The following MAP2 variants were observed in gnomAD, a reference collection of about 807,000 sequenced individuals.
MAP2 encodes microtubule associated protein 2, also known as microtubule-associated protein 2.
A neutral mutation model predicts 137.6 loss-of-function variants in MAP2; 14 were observed. The ratio of observed to expected loss-of-function variants is 0.10; its 90% CI spans 0.07 to 0.16. The LOEUF is 0.16. MAP2 is among the 10% of genes least tolerant of loss of function. The probability of loss-of-function intolerance (pLI) is 1.00; values close to 1 mark genes in which losing one functional copy is unlikely to be tolerated. For synonymous variants in MAP2, 786 were observed against 782.3 expected, an observed-to-expected ratio of 1.00 and a Z score of -0.08; for missense variants, 2,088 against 2,191.5, an observed-to-expected ratio of 0.95 and a Z score of 0.94.
intron 2 of MAP2, among the ~76,000 whole-genome samples, chr2:209,562,398 A>G (rs1375831936): frequency 1.3e-5 from 2 of 151,892 alleles, no homozygotes; most frequent in Admixed American, 6.6e-5. Flanking sequence ...TCCAGCTTGA[A>G]AAAAAAAGCT....
chr2:209,542,749 C>T (rs1408191295), intron 2 of MAP2, among the ~76,000 whole-genome samples: 1 of 152,216 alleles, frequency 6.6e-6, no homozygotes, highest in Non-Finnish European at 1.5e-5. Flanking sequence ...CTTTCTTCTG[C>T]AGCTTCTTTA....
At chr2:209,590,857 C>A (rs989874265) in intron 3 of MAP2, among the ~76,000 whole-genome samples, 5 of 152,134 alleles carry the variant, frequency 3.3e-5, no homozygotes, top group Non-Finnish European at 5.9e-5. Flanking sequence ...TTACCCTTAG[C>A]ACACAGTCTT....
intron 5 of MAP2, among the ~76,000 whole-genome samples, chr2:209,659,238 CTT>C (rs1185431598): frequency 3.3e-5 from 5 of 152,052 alleles, no homozygotes; most frequent in Non-Finnish European, 7.4e-5. Flanking sequence ...TTTCAAGACT[CTT>C]TTAGATGAGT....
intron 1 of MAP2, among the ~76,000 whole-genome samples, chr2:209,498,039 T>C (rs182258118): frequency 4.3e-4 from 66 of 152,314 alleles, no homozygotes; most frequent in African/African-American, 1.4e-3. Flanking sequence ...CAAAGCCTCA[T>C]TTGAAACAAG....
intron 1 of MAP2, among the ~76,000 whole-genome samples, chr2:209,503,563 C>G (rs771847829): frequency 5.9e-5 from 9 of 151,898 alleles, no homozygotes; most frequent in Non-Finnish European, 1.2e-4. Flanking sequence ...AGTTTTCATT[C>G]CATTTTGGGT....
At chr2:209,664,401 T>C (rs191168074) in intron 5 of MAP2, among the ~76,000 whole-genome samples, 1 of 151,526 alleles carries the variant, frequency 6.6e-6, no homozygotes, top group East Asian at 2.0e-4. Context: ...AATACAAAAA[T>C]TAGCTGGGCA....
chr2:209,553,445 T>A (rs1009511485), intron 2 of MAP2, among the ~76,000 whole-genome samples: 57 of 152,280 alleles, frequency 3.7e-4, no homozygotes, highest in African/African-American at 1.3e-3. Context: ...TATGGAAATT[T>A]AAAAATTCCT....
chr2:209,556,875 GCAAAA>G (rs1165694681), intron 2 of MAP2, among the ~76,000 whole-genome samples: 1 of 151,730 alleles, frequency 6.6e-6, no homozygotes, highest in African/African-American at 2.4e-5. Context: ...ATTAAGCAAT[GCAAAA>G]CAAAACAAAA....
intron 2 of MAP2, among the ~76,000 whole-genome samples, chr2:209,564,556 TAAAAAAAAAAAA>T (rs757367849): frequency 1.8e-5 from 1 of 55,994 alleles, no homozygotes; most frequent in Non-Finnish European, 3.7e-5. Context: ...CTCTGTGGAG[TAAAAAAAAAAAA>T]AAAAAAAAAA....
rs529323624 is a variant in MAP2 at position 209,678,811 on chromosome 2, C to T, written c.376+126C>T. 1.0e-5 allele frequency: 5 copies of T among 481,896 alleles called. No individual in the cohort carries two copies. The South Asian group carries it at 1.4e-4, about 13-fold the overall frequency. 29.9% of individuals were successfully genotyped at this position (481,896 alleles called of 1,614,324 possible). A position where few individuals can be genotyped will look rare whatever the true frequency, so the allele number is the denominator to read the frequency against. On this transcript the variant is annotated intron_variant, in intron 6 of 15. Coordinates refer to ENST00000682079, the MANE Select transcript of MAP2 (RefSeq NM_001375505.1). The stretch of plus-strand genomic sequence containing the variant: ...CCTTACATGTAACATTCATCAGACA[C>T]CTTGACTGGGTATGCACTAGGACCT...
intron 1 of MAP2, among the ~76,000 whole-genome samples, chr2:209,452,358 C>G (rs982146514): frequency 6.6e-6 from 1 of 152,170 alleles, no homozygotes; most frequent in African/African-American, 2.4e-5. Context: ...GCAGGTCCTT[C>G]TCTCTAGAAA....
At chr2:209,477,272 C>T (rs150307645) in intron 1 of MAP2, among the ~76,000 whole-genome samples, 2 of 151,934 alleles carry the variant, frequency 1.3e-5, no homozygotes, top group African/African-American at 2.4e-5. Flanking sequence ...TATGCCATAG[C>T]CTGGGCCACT....
chr2:209,594,476 T>C lies in MAP2; in HGVS notation c.-107+14376T>C, dbSNP rs1256672556. 2.6e-5 allele frequency among the ~76,000 whole-genome samples: 4 copies of C among 152,256 alleles called. No homozygotes were observed. In the East Asian group the frequency reaches 7.7e-4, roughly 29 times the overall value. ...ACGCTAAGCTTGGGGTTTCCTCAGG[T>C]TTCTTCAGGGTCCTACTATTAACAA... is the stretch of plus-strand genomic sequence containing the variant. On this transcript the variant is annotated intron_variant, in intron 3 of 15. Transcript: ENST00000682079.
At chr2:209,522,766 A>C (rs2063465388) in intron 2 of MAP2, among the ~76,000 whole-genome samples, 1 of 152,254 alleles carries the variant, frequency 6.6e-6, no homozygotes, top group East Asian at 1.9e-4. Flanking sequence ...ATTCAGGGAA[A>C]GTATCAGTTG....
At chr2:209,663,212 C>T (rs1311703205) in intron 5 of MAP2, among the ~76,000 whole-genome samples, 1 of 152,108 alleles carries the variant, frequency 6.6e-6, no homozygotes, top group Non-Finnish European at 1.5e-5. Flanking sequence ...CTCTCATTCC[C>T]TCACACTTCA....
intron 2 of MAP2, among the ~76,000 whole-genome samples, chr2:209,508,198 C>G (rs1392033476): frequency 1.3e-5 from 2 of 151,630 alleles, no homozygotes; most frequent in East Asian, 1.9e-4. Context: ...AGAGTAGTAA[C>G]AGAACCTCAG....
chr2:209,618,887 A>C (rs1198021235), intron 3 of MAP2, among the ~76,000 whole-genome samples: 1 of 152,218 alleles, frequency 6.6e-6, no homozygotes, highest in African/African-American at 2.4e-5. Flanking sequence ...ACCTGTGTCC[A>C]TCAACTGATG....
At chr2:209,653,052 G>T in intron 4 of MAP2, 90 bp from the exon 5 acceptor site, 1 of 967,470 alleles carries the variant, frequency 1.0e-6, no homozygotes, top group Non-Finnish European at 1.5e-6. Context: ...AAAGCCACAC[G>T]GTTTGCTACA....
chr2:209,440,502 T>A (rs1346977729), intron 1 of MAP2, among the ~76,000 whole-genome samples: 5 of 151,538 alleles, frequency 3.3e-5, no homozygotes. Flanking sequence ...CTTAGTTTTC[T>A]AATAAAATAA....
Sources: gnomAD v4.1 joint callset for allele counts (sites outside exome capture counted in the v4.1 genomes callset) on GRCh38, gnomAD v4.1.1 for gene constraint, MANE v1.5 for transcripts, NCBI Gene and HGNC (gene_info 2026-07-23, HGNC 2026-07-21) for gene names.